TRAP1: variants seen among roughly 807,000 people sequenced by gnomAD.
TRAP1 encodes TNF receptor associated protein 1.
A neutral mutation model predicts 89.1 loss-of-function variants in TRAP1; 102 were observed. The ratio of observed to expected loss-of-function variants is 1.15; its 90% CI spans 0.98 to 1.35. The LOEUF is 1.35. TRAP1 is among the 40% of genes most tolerant of loss of function. TRAP1 has a pLI of 0.00. For missense variants in TRAP1, 1,256 were observed against 945.3 expected (o/e 1.33, Z -4.31); for synonymous variants, 508 against 388.0 (o/e 1.31, Z -3.64).
intron 1 of TRAP1, among the ~76,000 whole-genome samples, chr16:3,709,240 A>G (rs1376726010): frequency 2.0e-5 from 3 of 151,796 alleles, no homozygotes; most frequent in African/African-American, 4.8e-5. Context: ...AAAAAAAAAA[A>G]AAAAAAAGAA....
chr16:3,658,286 T>G, intron 17 of TRAP1, 56 bp from the exon 18 acceptor site: 1 of 1,443,988 alleles, frequency 6.9e-7, no homozygotes, highest in Non-Finnish European at 9.6e-7. Context: ...TTTTCATTTT[T>G]TTTTTTTTGA....
chr16:3,690,542 C>T (rs774246971), intron 2 of TRAP1, among the ~76,000 whole-genome samples: 3 of 152,220 alleles, frequency 2.0e-5, no homozygotes, highest in Non-Finnish European at 2.9e-5. Flanking sequence ...TTTCCCCTCC[C>T]GCTTCCATGA....
chr16:3,678,220 T>G (rs1283054142), intron 5 of TRAP1: 1 of 152,552 alleles, frequency 6.6e-6, no homozygotes, highest in East Asian at 1.9e-4. Flanking sequence ...CGATGGAACT[T>G]TCTCCAACAA....
chr16:3,685,655 A>T (rs1490676128), intron 4 of TRAP1, among the ~76,000 whole-genome samples: 1 of 152,198 alleles, frequency 6.6e-6, no homozygotes, highest in Non-Finnish European at 1.5e-5. Flanking sequence ...TTGAGGGGAA[A>T]ACGCAGTTAA....
intron 3 of TRAP1, 55 bp downstream of exon 3, chr16:3,689,000 C>A: frequency 6.6e-7 from 1 of 1,521,302 alleles, no homozygotes; most frequent in Non-Finnish European, 9.0e-7. Flanking sequence ...GCATAAAAAC[C>A]AGCTTTGTGA....
At chr16:3,666,169 A>C in intron 11 of TRAP1, 51 bp from the exon 12 acceptor site, 1 of 1,573,242 alleles carries the variant, frequency 6.4e-7, no homozygotes. Context: ...TATGAAATAC[A>C]AATGGCCAGA....
In TRAP1 at chr16:3,674,785, C is replaced by G. The variant is rs577719178; in HGVS notation, c.889-291G>C. The G allele has an allele frequency of 6.3e-6, 3 of 476,202 alleles. No individual in the cohort carries two copies. In the South Asian group the frequency reaches 6.8e-5, roughly 11 times the overall value. 29.5% of individuals were successfully genotyped at this position (476,202 alleles called of 1,614,324 possible). On this transcript the variant is annotated intron_variant, in intron 8 of 17. Coordinates refer to ENST00000246957, the MANE Select transcript of TRAP1 (RefSeq NM_016292.3). The stretch of plus-strand genomic sequence containing the variant: ...GATGACGCTGCCCAGCAGGGGCGAG[C>G]TGACGAATACAGTGTGGGCCGTGAG...
chr16:3,690,779 G>A, intron 2 of TRAP1, 48 bp downstream of exon 2: 2 of 1,346,776 alleles, frequency 1.5e-6, no homozygotes, highest in Non-Finnish European at 1.9e-6. Context: ...TTTACGCACA[G>A]CAGTGAACCA....
rs201862746 is a variant in TRAP1 at position 3,658,846 on chromosome 16, G to A, written c.1960C>T (p.Leu654=). The A allele has an allele frequency of 1.2e-6, 2 of 1,613,950 alleles. No individual in the cohort carries two copies. The highest frequency in any genetic ancestry group is 1.3e-5 in the African/African-American group (1 of 74,944). ...GGCTCGCTTGCGCGCAGCTGATTCA[G>A]CTTCTTGATGAGCGCGTGCCTGCAA... ...INPRHALIKK[L]NQLRASEPGL... is the part of the protein sequence containing the mutation. Residue 654 remains leucine, a synonymous_variant, in exon 17 of 18, where the codon CTG becomes TTG. Transcript: ENST00000246957.
chr16:3,663,976 T>G (rs2151242688), intron 13 of TRAP1: 1 of 353,820 alleles, frequency 2.8e-6, no homozygotes, highest in African/African-American at 2.1e-5. Context: ...GGCAGGAGAA[T>G]GACCTGAACC....
At chr16:3,658,306 T>C (rs1402813672) in intron 17 of TRAP1, 76 bp from the exon 18 acceptor site, 11 of 1,221,540 alleles carry the variant, frequency 9.0e-6, no homozygotes, top group South Asian at 3.9e-5. Flanking sequence ...AGACAGAGTC[T>C]CACTGTTGCC....
chr16:3,690,324 G>A (rs192836426), intron 2 of TRAP1, among the ~76,000 whole-genome samples: 7 of 152,210 alleles, frequency 4.6e-5, no homozygotes, highest in Non-Finnish European at 8.8e-5. Context: ...TCAAAAAAGC[G>A]GTTTCCAAAT....
intron 1 of TRAP1, among the ~76,000 whole-genome samples, chr16:3,700,729 G>T (rs2051354278): frequency 1.3e-5 from 2 of 152,306 alleles, no homozygotes; most frequent in South Asian, 4.1e-4. Flanking sequence ...GCCTCCCAAA[G>T]TGGTGGGATT....
At chr16:3,702,119 T>C (rs772349999) in intron 1 of TRAP1, among the ~76,000 whole-genome samples, 2 of 151,932 alleles carry the variant, frequency 1.3e-5, no homozygotes, top group Non-Finnish European at 2.9e-5. Flanking sequence ...TGAGACTCCA[T>C]CTCGGGCGGG....
At chr16:3,716,822 T>G (rs571605078) in intron 1 of TRAP1, among the ~76,000 whole-genome samples, 27 of 152,308 alleles carry the variant, frequency 1.8e-4, no homozygotes, top group Admixed American at 1.6e-3. Context: ...AGGACACAGC[T>G]GCGTCAACGA....
At chr16:3,661,406 G>A (rs542522871) in intron 16 of TRAP1, 1 of 152,288 alleles carries the variant, frequency 6.6e-6, no homozygotes, top group South Asian at 2.1e-4. Context: ...CACCCTGGAA[G>A]CAGCTCCCAC....
intron 1 of TRAP1, among the ~76,000 whole-genome samples, chr16:3,703,381 T>C (rs1041426766): frequency 5.3e-5 from 8 of 151,818 alleles, no homozygotes; most frequent in African/African-American, 1.9e-4. Flanking sequence ...CATGGGATTA[T>C]AGAGAAATGG....
chr16:3,672,791 C>G lies in TRAP1; in HGVS notation c.1074G>C (p.Glu358Asp). The G allele has an allele frequency of 6.2e-7, 1 of 1,613,058 alleles. No homozygotes were observed. The highest frequency in any genetic ancestry group is 8.5e-7 in the Non-Finnish European group (1 of 1,179,694). The stretch of plus-strand genomic sequence containing the variant: ...TGTACAGTGCAACGCTGGAGCCCAG[C>G]TCCCGGCTCACATCAAACATGGACG... Reference protein sequence around the residue: ...MKPSMFDVSRELGSSVALYSR... With the variant: ...MKPSMFDVSRDLGSSVALYSR... Residue 358 changes from glutamate (E) to aspartate (D), a missense_variant, in exon 10 of 18, where the codon GAG becomes GAC. Transcript: ENST00000246957.
At chr16:3,701,965 C>G (rs1038623192) in intron 1 of TRAP1, among the ~76,000 whole-genome samples, 1 of 152,152 alleles carries the variant, frequency 6.6e-6, no homozygotes, top group Non-Finnish European at 1.5e-5. Context: ...TATCCCAGCA[C>G]TTTGGGAGGC....
Sources: gnomAD v4.1 joint callset for allele counts (sites outside exome capture counted in the v4.1 genomes callset) on GRCh38, gnomAD v4.1.1 for gene constraint, MANE v1.5 for transcripts, NCBI Gene and HGNC (gene_info 2026-07-23, HGNC 2026-07-21) for gene names.